Variants in AKT3 observed in about 807,000 individuals in gnomAD.
The protein encoded by AKT3 is AKT serine/threonine kinase 3.
Under a neutral mutation model 65.3 loss-of-function variants are expected in AKT3, and 15 were observed. That is an observed-to-expected ratio of 0.23 (90% CI 0.15 to 0.35). The LOEUF (loss-of-function observed/expected upper bound fraction) is 0.35, where lower values mean the gene tolerates loss of function less well. AKT3 is among the 10% of genes least tolerant of loss of function. The pLI is 1.00. For missense variants in AKT3, 243 were observed against 576.5 expected (o/e 0.42, Z 5.92); for synonymous variants, 206 against 183.8 (o/e 1.12, Z -0.98).
At chr1:243,841,918 A>T (rs1470615386) in intron 2 of AKT3, among the ~76,000 whole-genome samples, 1 of 152,220 alleles carries the variant, frequency 6.6e-6, no homozygotes, top group Non-Finnish European at 1.5e-5. Flanking sequence ...CCATAAAAAA[A>T]CTATGTACTG....
chr1:243,743,369 T>TAAA (rs1282199568), intron 2 of AKT3, among the ~76,000 whole-genome samples: 11 of 152,238 alleles, frequency 7.2e-5, no homozygotes, highest in African/African-American at 2.4e-4. Context: ...AAACCACTGT[T>TAAA]TGTTTAAAAC....
intron 3 of AKT3, among the ~76,000 whole-genome samples, chr1:243,692,376 A>C (rs1182455984): frequency 1.3e-5 from 2 of 152,272 alleles, no homozygotes; most frequent in East Asian, 3.9e-4. Flanking sequence ...CCTTCAGTTT[A>C]TTACCATTAT....
intron 13 of AKT3, among the ~76,000 whole-genome samples, chr1:243,509,439 T>C (rs995258350): frequency 2.0e-5 from 3 of 152,184 alleles, no homozygotes; most frequent in Non-Finnish European, 4.4e-5. Flanking sequence ...GAAGAGATTC[T>C]GGTCCTTGAA....
intron 2 of AKT3, among the ~76,000 whole-genome samples, chr1:243,819,556 C>T (rs1693732214): frequency 6.6e-6 from 1 of 152,214 alleles, no homozygotes; most frequent in Non-Finnish European, 1.5e-5. Flanking sequence ...AGACTTAAGT[C>T]TTTCTCCCTG....
At chr1:243,779,212 T>C (rs576770191) in intron 2 of AKT3, among the ~76,000 whole-genome samples, 37 of 152,306 alleles carry the variant, frequency 2.4e-4, no homozygotes, top group Admixed American at 1.4e-3. Flanking sequence ...TCACCTTGTA[T>C]ATATCACATA....
intron 5 of AKT3, among the ~76,000 whole-genome samples, chr1:243,640,687 C>T (rs1184569147): frequency 6.6e-6 from 1 of 152,100 alleles, no homozygotes; most frequent in Admixed American, 6.5e-5. Flanking sequence ...GCCCCAGACA[C>T]ATAAGGAAGG....
intron 4 of AKT3, among the ~76,000 whole-genome samples, chr1:243,648,163 C>T (rs1226453681): frequency 6.6e-6 from 1 of 150,912 alleles, no homozygotes; most frequent in African/African-American, 2.4e-5. Context: ...GAGACTGAGA[C>T]ATGAGAATCA....
At chr1:243,539,691 C>A (rs1027095482) in intron 12 of AKT3, among the ~76,000 whole-genome samples, 2 of 152,118 alleles carry the variant, frequency 1.3e-5, no homozygotes, top group African/African-American at 4.8e-5. Flanking sequence ...AGAAAGATAT[C>A]TGAAAAATCC....
At chr1:243,642,788 T>C (rs74153931) in intron 5 of AKT3, among the ~76,000 whole-genome samples, 1,532 of 152,330 alleles carry the variant, frequency 0.01, 20 homozygotes, top group African/African-American at 0.035. Flanking sequence ...AAATGCTTAA[T>C]AAATGTGTTC....
intron 4 of AKT3, among the ~76,000 whole-genome samples, chr1:243,654,804 C>A (rs772351422): frequency 6.6e-6 from 1 of 152,040 alleles, no homozygotes; most frequent in Non-Finnish European, 1.5e-5. Flanking sequence ...TTGACATTAT[C>A]TTTTGGTCTA....
intron 4 of AKT3, among the ~76,000 whole-genome samples, chr1:243,654,290 A>G (rs1267825415): frequency 6.6e-6 from 1 of 152,002 alleles, no homozygotes; most frequent in Non-Finnish European, 1.5e-5. Flanking sequence ...ATTACTTCAG[A>G]TATTTTTCAC....
chr1:243,775,361 T>C (rs1690482718), intron 2 of AKT3, among the ~76,000 whole-genome samples: 1 of 152,162 alleles, frequency 6.6e-6, no homozygotes, highest in South Asian at 2.1e-4. Flanking sequence ...TTTGTATTTT[T>C]AGTAGAGATG....
intron 2 of AKT3, among the ~76,000 whole-genome samples, chr1:243,823,877 T>C (rs920156841): frequency 6.6e-6 from 1 of 152,196 alleles, no homozygotes; most frequent in Non-Finnish European, 1.5e-5. Flanking sequence ...GAACTACCAT[T>C]GACTTTCCTC....
rs185568250 is a variant in AKT3, at chr1:243,611,316, C to A, written c.696+2355G>T. Among the ~76,000 whole-genome samples, 807 of 152,278 alleles carry A rather than the reference C, an allele frequency of 5.3e-3. 5 individuals are homozygous for A. The highest frequency in any genetic ancestry group is 6.3e-3 in the Non-Finnish European group (430 of 68,026). On this transcript the variant is annotated intron_variant, in intron 8 of 13. Transcript: ENST00000673466. ...ATTGCACTGTATCTGCTAAGGCTCC[C>A]AAATTCCAACCAAAAATCACTTTTC...
intron 8 of AKT3, among the ~76,000 whole-genome samples, chr1:243,606,661 A>G (rs1408111839): frequency 6.6e-6 from 1 of 152,282 alleles, no homozygotes; most frequent in Admixed American, 6.5e-5. Context: ...GCCCACTGCA[A>G]AAGTTGGCAT....
intron 13 of AKT3, among the ~76,000 whole-genome samples, chr1:243,508,892 C>T (rs547695094): frequency 4.0e-5 from 6 of 151,860 alleles, no homozygotes; most frequent in Non-Finnish European, 5.9e-5. Flanking sequence ...TAGTCTCAGA[C>T]TCCTCCTGAC....
At chr1:243,698,427 T>C (rs529765741) in intron 2 of AKT3, among the ~76,000 whole-genome samples, 34 of 152,104 alleles carry the variant, frequency 2.2e-4, no homozygotes, top group Middle Eastern at 7.1e-3. Context: ...TTAAAAGAAA[T>C]CAAATTTTCA....
intron 12 of AKT3, among the ~76,000 whole-genome samples, chr1:243,535,214 A>G (rs1671838023): frequency 6.6e-6 from 1 of 150,842 alleles, no homozygotes; most frequent in Non-Finnish European, 1.5e-5. Flanking sequence ...AAATTATTTT[A>G]AAATATATTT....
rs561891393 is a variant in AKT3 at position 243,827,914 on chromosome 1, G to T, written c.46+15211C>A. 3.3e-5 allele frequency among the ~76,000 whole-genome samples: 5 copies of T among 152,252 alleles called. No individual in the cohort carries two copies. In the South Asian group the frequency reaches 1.0e-3, roughly 32 times the overall value. On this transcript the variant is annotated intron_variant, in intron 2 of 13. Coordinates refer to ENST00000673466, the MANE Select transcript of AKT3 (RefSeq NM_005465.7). ...GGTCAGTTGACAGGAAAGGAATACT[G>T]ATCAACTCCTCTTTTACACTGGTCT...
Sources: allele counts gnomAD v4.1 joint callset (sites outside exome capture counted in the v4.1 genomes callset), GRCh38; gene constraint gnomAD v4.1.1; transcripts MANE v1.5; gene names NCBI Gene and HGNC (gene_info 2026-07-23, HGNC 2026-07-21).